Variants in ROBO2 observed in about 807,000 individuals in gnomAD.
ROBO2 encodes roundabout guidance receptor 2.
Under a neutral mutation model 160.8 loss-of-function variants are expected in ROBO2, and 53 were observed. The ratio of observed to expected loss-of-function variants is 0.33; its 90% confidence interval spans 0.26 to 0.41. The LOEUF (loss-of-function observed/expected upper bound fraction) is 0.41, where lower values mean the gene tolerates loss of function less well. Among genes scored for constraint, ROBO2 ranks in the 10% least tolerant of loss-of-function variants. The pLI is 1.00. For synonymous variants in ROBO2, 664 were observed against 611.7 expected, an observed-to-expected ratio of 1.09 and a Z score of -1.26; for missense variants, 1,577 against 1,722.4, an observed-to-expected ratio of 0.92 and a Z score of 1.49.
At chr3:75,994,483 C>T (rs566449067) in intron 2 of ROBO2, among the ~76,000 whole-genome samples, 9 of 152,240 alleles carry the variant, frequency 5.9e-5, no homozygotes, top group South Asian at 4.1e-4. Flanking sequence ...CAAGTTCTGA[C>T]GGTTTTATAA....
At chr3:77,642,569 G>A (rs1200427983) in intron 24 of ROBO2, 102 bp from the exon 26 acceptor site, 2 of 366,794 alleles carry the variant, frequency 5.5e-6, no homozygotes, top group Non-Finnish European at 1.1e-5. Flanking sequence ...TTTTTTGTAT[G>A]GGTAATACCT....
At chr3:75,924,210 G>A (rs1340930247) in intron 1 of ROBO2, among the ~76,000 whole-genome samples, 1 of 152,052 alleles carries the variant, frequency 6.6e-6, no homozygotes, top group Admixed American at 6.5e-5. Flanking sequence ...GGTTGCAGGT[G>A]GAATTCAGAT....
intron 2 of ROBO2, among the ~76,000 whole-genome samples, chr3:77,461,845 A>G (rs2153572132): frequency 6.6e-6 from 1 of 151,832 alleles, no homozygotes; most frequent in Non-Finnish European, 1.5e-5. Context: ...CTCCTGCCGC[A>G]GCCTCCCATA....
At chr3:77,374,101 C>A (rs2072248161) in intron 2 of ROBO2, among the ~76,000 whole-genome samples, 1 of 125,868 alleles carries the variant, frequency 7.9e-6, no homozygotes, top group Non-Finnish European at 1.6e-5. Context: ...ACCTGGGAGG[C>A]GGAGCTTGCA....
At chr3:76,955,624 T>G (rs1422806707) in intron 2 of ROBO2, among the ~76,000 whole-genome samples, 1 of 152,192 alleles carries the variant, frequency 6.6e-6, no homozygotes, top group Non-Finnish European at 1.5e-5. Flanking sequence ...TCTTTTTATA[T>G]TCTTACTGGC....
chr3:77,554,359 T>C (rs1446696901), intron 8 of ROBO2, among the ~76,000 whole-genome samples: 1 of 151,996 alleles, frequency 6.6e-6, no homozygotes, highest in African/African-American at 2.4e-5. Flanking sequence ...TTTTTATACC[T>C]GTTAACACAA....
chr3:76,744,562 C>A (rs1475276335), intron 2 of ROBO2, among the ~76,000 whole-genome samples: 6 of 151,888 alleles, frequency 4.0e-5, no homozygotes, highest in Admixed American at 3.9e-4. Flanking sequence ...AGGTCTCGCT[C>A]TGTTGCCCAG....
chr3:77,119,916 A>G (rs892691366), intron 2 of ROBO2, among the ~76,000 whole-genome samples: 1 of 152,226 alleles, frequency 6.6e-6, no homozygotes, highest in African/African-American at 2.4e-5. Flanking sequence ...ACTGAGAACC[A>G]CAGTTTTAAA....
At chr3:77,186,524 G>A (rs1359970575) in intron 2 of ROBO2, among the ~76,000 whole-genome samples, 1 of 151,884 alleles carries the variant, frequency 6.6e-6, no homozygotes, top group Non-Finnish European at 1.5e-5. Flanking sequence ...CAGTGAAGCA[G>A]TACTTTAGTC....
chr3:75,963,754 A>G (rs12639444), intron 2 of ROBO2, among the ~76,000 whole-genome samples: 17,890 of 151,718 alleles, frequency 0.12, 1,229 homozygotes, highest in Non-Finnish European at 0.15. Flanking sequence ...TCTGAGGACC[A>G]CGATGGAAGG....
At chr3:77,323,501 C>T (rs1483189743) in intron 2 of ROBO2, among the ~76,000 whole-genome samples, 3 of 152,150 alleles carry the variant, frequency 2.0e-5, no homozygotes, top group Non-Finnish European at 4.4e-5. Flanking sequence ...AAGAGCTTTT[C>T]TGTAGAACAT....
At chr3:76,197,094 G>A (rs553251146) in intron 2 of ROBO2, among the ~76,000 whole-genome samples, 152 of 152,172 alleles carry the variant, frequency 1.0e-3, no homozygotes, top group African/African-American at 3.0e-3. Flanking sequence ...CTCCTTTTGG[G>A]GAGTGATAAT....
At chr3:77,067,677 G>A (rs1228335241) in intron 1 of ROBO2, among the ~76,000 whole-genome samples, 1 of 152,114 alleles carries the variant, frequency 6.6e-6, no homozygotes, top group Non-Finnish European at 1.5e-5. Flanking sequence ...ATTCTTTGAT[G>A]AAAGTCACAT....
rs1342767276 is a variant in ROBO2 at position 76,342,178 on chromosome 3, G to T, written c.109+404576G>T. ...GAGATCCTCACAATTCCTTTAACAG[G>T]CTCTGTCTCTGTTACCATCCCAACT... On this transcript the variant is annotated intron_variant, in intron 2 of 26. Coordinates refer to the ROBO2 transcript ENST00000487694. Among the ~76,000 whole-genome samples, 4 of 152,112 alleles carry T rather than the reference G, an allele frequency of 2.6e-5. No individual in the cohort carries two copies. In the East Asian group the frequency reaches 7.8e-4, roughly 29 times the overall value.
chr3:77,588,313 G>A (rs192433574), intron 16 of ROBO2, among the ~76,000 whole-genome samples: 144 of 152,078 alleles, frequency 9.5e-4, no homozygotes, highest in Middle Eastern at 3.4e-3. Flanking sequence ...ATGTTCTTGT[G>A]AATTATGAAC....
intron 2 of ROBO2, among the ~76,000 whole-genome samples, chr3:76,659,314 G>A (rs1211779950): frequency 6.7e-6 from 1 of 149,230 alleles, no homozygotes; most frequent in Non-Finnish European, 1.5e-5. Flanking sequence ...TGAAAAATGT[G>A]TGTGCATATT....
At chr3:75,985,295 T>G (rs1258501435) in intron 2 of ROBO2, among the ~76,000 whole-genome samples, 1 of 151,514 alleles carries the variant, frequency 6.6e-6, no homozygotes, top group Non-Finnish European at 1.5e-5. Context: ...TAAAATACAC[T>G]TAATGTGAAA....
intron 2 of ROBO2, among the ~76,000 whole-genome samples, chr3:76,222,898 G>A (rs569000451): frequency 1.3e-5 from 2 of 152,034 alleles, no homozygotes; most frequent in East Asian, 3.9e-4. Flanking sequence ...GGGACTGCAG[G>A]CACCTGCCAC....
chr3:75,964,380 C>A (rs1437610016), intron 2 of ROBO2, among the ~76,000 whole-genome samples: 12 of 151,554 alleles, frequency 7.9e-5, no homozygotes, highest in African/African-American at 4.8e-5. Flanking sequence ...ATAATTATCT[C>A]ATTTACCTAT....
Sources: gnomAD v4.1 joint callset for allele counts (sites outside exome capture counted in the v4.1 genomes callset) on GRCh38, gnomAD v4.1.1 for gene constraint, MANE v1.5 for transcripts, NCBI Gene and HGNC (gene_info 2026-07-23, HGNC 2026-07-21) for gene names.